The following PSKH1 variants were observed in gnomAD, a reference collection of about 807,000 sequenced individuals.
PSKH1 encodes the protein protein serine kinase H1.
PSKH1 carries 12 observed loss-of-function variants against 26.7 expected under a neutral mutation model. That is an observed-to-expected ratio of 0.45 (90% CI 0.29 to 0.73). The LOEUF (loss-of-function observed/expected upper bound fraction) is 0.73. PSKH1 is among the 30% of genes least tolerant of loss of function. The pLI, the probability that PSKH1 is intolerant of heterozygous loss-of-function variation, is 0.11. For synonymous variants in PSKH1, 213 were observed against 234.3 expected, an observed-to-expected ratio of 0.91 and a Z score of 0.83; for missense variants, 431 against 595.2, an observed-to-expected ratio of 0.72 and a Z score of 2.87.
At chr16:67,917,548 A>G (rs1031383996) in intron 2 of PSKH1, among the ~76,000 whole-genome samples, 2 of 152,128 alleles carry the variant, frequency 1.3e-5, no homozygotes, top group South Asian at 2.1e-4. Flanking sequence ...TGGTGGGGGA[A>G]TTTTCTCTTG....
At chr16:67,907,252 C>T (rs114810560) in intron 1 of PSKH1, among the ~76,000 whole-genome samples, 5,875 of 150,366 alleles carry the variant, frequency 0.039, 310 homozygotes, top group African/African-American at 0.13. Context: ...CCTGAGCCAC[C>T]GCGCCTGGCC....
Position 67,909,481 on chromosome 16 carries a change from T to C in PSKH1, c.732T>C (p.Ser244=), listed in dbSNP as rs758265757. The change falls in exon 2 of 3, where the codon AGT becomes AGC. Residue 244 remains serine, a synonymous_variant. Transcript: ENST00000291041. The surrounding 1 kb of genome is among the most constrained non-coding windows in gnomAD (Gnocchi z 7.8). ...KIIITDFGLA[S]ARKKGDDCLM... ...TCATCACCGACTTCGGCCTGGCCAG[T>C]GCTCGCAAGAAGGGTGATGACTGCT... 4.3e-6 allele frequency: 7 copies of C among 1,613,492 alleles called. No homozygotes were observed. In the Admixed American group the frequency reaches 1.0e-4, roughly 23 times the overall value.
Position 67,927,845 on chromosome 16 carries a change from CAG to C in PSKH1, c.*204_*205del. On this transcript the variant is annotated 3_prime_UTR_variant, in exon 3 of 3. Coordinates refer to ENST00000291041, the MANE Select transcript of PSKH1 (RefSeq NM_006742.3). This position sits in a 1 kb window ranked among gnomAD's most constrained non-coding sequence, Gnocchi z 5.5. ...CAGGTGTGACAGAGTAGAGGTAGCA[CAG>C]GGGGCTGTGACTCCCCCTGAACTGG... 1 of 645,702 alleles carries C rather than the reference CAG, an allele frequency of 1.5e-6. No homozygotes were observed. Among genetic ancestry groups the C allele is most frequent in the Non-Finnish European group, 2.6e-6 (1 of 385,794 alleles). 40.0% of individuals were successfully genotyped at this position (645,702 alleles called of 1,614,324 possible).
chr16:67,916,467 AAGG>A (rs1354567474), intron 2 of PSKH1, among the ~76,000 whole-genome samples: 1 of 152,122 alleles, frequency 6.6e-6, no homozygotes, highest in Non-Finnish European at 1.5e-5. Flanking sequence ...GAGTTTTGAG[AAGG>A]AGGAGGCCCA....
chr16:67,903,282 TG>T (rs1235426307), intron 1 of PSKH1: 1 of 152,004 alleles, frequency 6.6e-6, no homozygotes, highest in Non-Finnish European at 1.5e-5. Context: ...CCTAAGTAGC[TG>T]GGATCACAGG....
chr16:67,904,565 C>G (rs1049028591), intron 1 of PSKH1, among the ~76,000 whole-genome samples: 14 of 152,076 alleles, frequency 9.2e-5, no homozygotes, highest in Non-Finnish European at 1.5e-4. Context: ...GTCTCAAACT[C>G]CCTACCTCAG....
intron 1 of PSKH1, among the ~76,000 whole-genome samples, chr16:67,894,221 T>C (rs764477754): frequency 1.4e-4 from 21 of 152,220 alleles, no homozygotes; most frequent in Non-Finnish European, 2.8e-4. Context: ...GGCTCATTCA[T>C]AGCTCACTGC....
intron 1 of PSKH1, among the ~76,000 whole-genome samples, chr16:67,905,111 C>A (rs935858664): frequency 6.6e-6 from 1 of 152,174 alleles, no homozygotes; most frequent in African/African-American, 2.4e-5. Flanking sequence ...CAGGCATGAG[C>A]CACTGTGCCC....
At chr16:67,894,021 C>CTG (rs1368538781) in intron 1 of PSKH1, among the ~76,000 whole-genome samples, 1 of 152,218 alleles carries the variant, frequency 6.6e-6, no homozygotes, top group Non-Finnish European at 1.5e-5. Context: ...CTTAGCAAGG[C>CTG]ATTCAGGGCT....
chr16:67,908,701 C>T lies in PSKH1; in HGVS notation c.-49C>T. 1 of 1,501,494 alleles carries T rather than the reference C, an allele frequency of 6.7e-7. No individual in the cohort carries two copies. The highest frequency in any genetic ancestry group is 1.3e-5 in the South Asian group (1 of 79,262). The allele number at this position is 1,501,494 out of a possible 1,614,324, so 93.0% of individuals were successfully genotyped here. A position where few individuals can be genotyped will look rare whatever the true frequency, so the allele number is the denominator to read the frequency against. On this transcript the variant is annotated 5_prime_UTR_variant, in exon 2 of 3. Coordinates refer to ENST00000291041, the MANE Select transcript of PSKH1 (RefSeq NM_006742.3). ...GTAGGTGTAGACGGGGCACTGCCTT[C>T]AGAGCAGGTCCTGCCAGCCTCGCTG...
At position 67,909,297 on chromosome 16, in the gene PSKH1, G is replaced by A. The variant is rs141391249; in HGVS notation, c.548G>A (p.Arg183His). 5.5e-4 allele frequency: 891 copies of A among 1,614,096 alleles called. 2 individuals carry two copies. The highest frequency in any genetic ancestry group is 2.1e-3 in the Admixed American group (129 of 60,016). ...GCCACTGGTGGAGAGCTCTTTGACC[G>A]CATCATTGCCAAGGGCTCCTTCACC... ...ELATGGELFD[R>H]IIAKGSFTER... is the part of the protein sequence containing the mutation. The change falls in exon 2 of 3, where the codon CGC becomes CAC. Residue 183 changes from arginine (R) to histidine (H), a missense_variant. By Grantham distance (29) the Arg-to-His change is conservative. Coordinates refer to ENST00000291041, the MANE Select transcript of PSKH1 (RefSeq NM_006742.3). The surrounding 1 kb of genome is among the most constrained non-coding windows in gnomAD (Gnocchi z 7.8).
At position 67,908,676 on chromosome 16, in the gene PSKH1, G is replaced by A. The variant is rs112931998; in HGVS notation, c.-70-4G>A. On this transcript the variant is annotated splice_polypyrimidine_tract_variant and splice_region_variant and intron_variant, in intron 1 of 2. Transcript: ENST00000291041. ...GTGCTGACTTGTTCTCTCTTTGTGT[G>A]TAGGTGTAGACGGGGCACTGCCTTC... 2,578 of 1,277,818 alleles carry A rather than the reference G, an allele frequency of 2.0e-3. 41 individuals are homozygous for A. In the African/African-American group the frequency reaches 0.033, roughly 17 times the overall value. 79.2% of individuals were successfully genotyped at this position (1,277,818 alleles called of 1,614,324 possible). A position where few individuals can be genotyped will look rare whatever the true frequency, so the allele number is the denominator to read the frequency against.
At chr16:67,906,384 T>TC (rs1948248501) in intron 1 of PSKH1, among the ~76,000 whole-genome samples, 1 of 148,498 alleles carries the variant, frequency 6.7e-6, no homozygotes, top group Non-Finnish European at 1.5e-5. Context: ...TTTTTTTTTT[T>TC]CTTTTAAGAC....
intron 1 of PSKH1, among the ~76,000 whole-genome samples, chr16:67,900,774 A>C (rs1223663745): frequency 6.6e-6 from 1 of 152,030 alleles, no homozygotes; most frequent in East Asian, 1.9e-4. Context: ...TGGGAGTTTA[A>C]GTTTTGGAGG....
chr16:67,911,437 C>G (rs533012317), intron 2 of PSKH1, among the ~76,000 whole-genome samples: 1 of 152,198 alleles, frequency 6.6e-6, no homozygotes, highest in Non-Finnish European at 1.5e-5. Flanking sequence ...AATCCCAGCA[C>G]TTTGGGAGGC....
intron 1 of PSKH1, among the ~76,000 whole-genome samples, chr16:67,896,310 TA>T (rs2058126286): frequency 1.3e-5 from 2 of 152,028 alleles, no homozygotes; most frequent in African/African-American, 2.4e-5. Context: ...GGTTTCACCG[TA>T]TTGCTCAGGC....
At position 67,909,718 on chromosome 16, in the gene PSKH1, C is replaced by G. The variant is rs753481186; in HGVS notation, c.957+12C>G. 5 of 1,604,426 alleles carry G rather than the reference C, an allele frequency of 3.1e-6. No individual in the cohort carries two copies. In the South Asian group the frequency reaches 5.5e-5, roughly 18 times the overall value. On this transcript the variant is annotated intron_variant, in intron 2 of 2. Transcript: ENST00000291041. The surrounding 1 kb of genome is among the most constrained non-coding windows in gnomAD (Gnocchi z 7.8). Reference sequence around the variant, plus strand: ...GTTACTCTGGGGAGGTGAGTCTGTCCTGCCCCTGTCCTGGATGTTGGGGAG... The same window carrying G: ...GTTACTCTGGGGAGGTGAGTCTGTCGTGCCCCTGTCCTGGATGTTGGGGAG...
Position 67,909,840 on chromosome 16 carries a change from AAGTG to A in PSKH1, c.957+137_957+140del, listed in dbSNP as rs2058168480. On this transcript the variant is annotated intron_variant, in intron 2 of 2. Coordinates refer to ENST00000291041, the MANE Select transcript of PSKH1 (RefSeq NM_006742.3). The surrounding 1 kb of genome is among the most constrained non-coding windows in gnomAD (Gnocchi z 7.8). The stretch of plus-strand genomic sequence containing the variant: ...CCAGGCAGGTCATATAAAAGGGACA[AAGTG>A]AGACTATCAGAATGTAGTTTGGGTT... The A allele has an allele frequency of 2.5e-6, 2 of 785,600 alleles. No homozygotes were observed. Among genetic ancestry groups the A allele is most frequent in the Non-Finnish European group, 4.0e-6 (2 of 495,270 alleles). The allele number at this position is 785,600 out of a possible 1,614,324, so 48.7% of individuals were successfully genotyped here.
At chr16:67,899,904 C>A (rs898705872) in intron 1 of PSKH1, among the ~76,000 whole-genome samples, 1 of 151,870 alleles carries the variant, frequency 6.6e-6, no homozygotes, top group African/African-American at 2.4e-5. Flanking sequence ...CTGCCTCGGC[C>A]TCCCAAAGTG....
Sources: allele counts gnomAD v4.1 joint callset (sites outside exome capture counted in the v4.1 genomes callset), GRCh38; gene constraint gnomAD v4.1.1; non-coding constraint Gnocchi (gnomAD v3.1); transcripts MANE v1.5; gene names NCBI Gene and HGNC (gene_info 2026-07-23, HGNC 2026-07-21).